The following TPD52 variants were observed in gnomAD, a reference collection of about 807,000 sequenced individuals.
The protein encoded by TPD52 is tumor protein D52, also known as prostate and colon associated protein.
TPD52 carries 17 observed loss-of-function variants against 31.3 expected under a neutral mutation model. The ratio of observed to expected loss-of-function variants is 0.54; its 90% CI spans 0.37 to 0.82. The LOEUF is 0.82. Among genes scored for constraint, TPD52 ranks in the 40% least tolerant of loss-of-function variants. The pLI, the probability that TPD52 is intolerant of heterozygous loss-of-function variation, is 0.00. For synonymous variants in TPD52, 83 were observed against 89.6 expected (o/e 0.93, Z 0.42); for missense variants, 212 against 240.1 (o/e 0.88, Z 0.77).
chr8:80,160,286 C>T (rs771660031), intron 1 of TPD52, among the ~76,000 whole-genome samples: 2 of 152,144 alleles, frequency 1.3e-5, no homozygotes, highest in Admixed American at 6.5e-5. Context: ...TCTCCACATC[C>T]AGCAGAGTAC....
intron 1 of TPD52, among the ~76,000 whole-genome samples, chr8:80,164,351 C>T (rs1219706432): frequency 1.3e-5 from 2 of 152,130 alleles, no homozygotes; most frequent in Non-Finnish European, 2.9e-5. Context: ...TAGTACATGA[C>T]AACAGTGGTA....
intron 1 of TPD52, among the ~76,000 whole-genome samples, chr8:80,108,943 AT>A (rs1318938673): frequency 1.3e-5 from 2 of 152,108 alleles, no homozygotes; most frequent in Admixed American, 6.6e-5. Flanking sequence ...ACTTGTGAAG[AT>A]TTTTTTTATG....
chr8:80,122,628 C>T (rs1808335902), intron 1 of TPD52, among the ~76,000 whole-genome samples: 1 of 152,110 alleles, frequency 6.6e-6, no homozygotes, highest in Non-Finnish European at 1.5e-5. Flanking sequence ...TACAAATACC[C>T]AAAGTACATC....
chr8:80,105,646 G>A (rs974116226), intron 1 of TPD52, among the ~76,000 whole-genome samples: 1 of 151,232 alleles, frequency 6.6e-6, no homozygotes, highest in East Asian at 1.9e-4. Flanking sequence ...TCTGCGGCTC[G>A]TCCTGCTACA....
chr8:80,131,053 G>A (rs1808983643), intron 1 of TPD52, among the ~76,000 whole-genome samples: 1 of 151,980 alleles, frequency 6.6e-6, no homozygotes, highest in African/African-American at 2.4e-5. Context: ...GGTGGGGTGA[G>A]GGGTAGAGGT....
intron 7 of TPD52, among the ~76,000 whole-genome samples, chr8:80,039,893 G>A (rs965000436): frequency 5.9e-5 from 9 of 152,048 alleles, no homozygotes; most frequent in South Asian, 4.2e-4. Flanking sequence ...CACACCCTCA[G>A]CTTTTCACAT....
intron 1 of TPD52, among the ~76,000 whole-genome samples, chr8:80,141,889 G>A (rs1413343144): frequency 6.6e-6 from 1 of 151,430 alleles, no homozygotes; most frequent in Admixed American, 6.6e-5. Flanking sequence ...CAGCCTGGGC[G>A]ACAGAGCCAG....
intron 1 of TPD52, among the ~76,000 whole-genome samples, chr8:80,070,428 T>G (rs1206493814): frequency 6.6e-6 from 1 of 152,140 alleles, no homozygotes; most frequent in East Asian, 1.9e-4. Context: ...GAAGACAATT[T>G]TTCCACGGCG....
intron 1 of TPD52, among the ~76,000 whole-genome samples, chr8:80,086,877 CAAAAAAAAAAAAAAA>C (rs58864911): frequency 3.9e-5 from 3 of 76,576 alleles, no homozygotes; most frequent in Non-Finnish European, 7.2e-5. Flanking sequence ...GCTGTCTCAA[CAAAAAAAAAAAAAAA>C]AAAAAAAAAA....
chr8:80,067,037 A>G (rs1173696929), intron 1 of TPD52: 1 of 152,262 alleles, frequency 6.6e-6, no homozygotes, highest in Non-Finnish European at 1.5e-5. Context: ...CTTTTTTGAT[A>G]CACACTGTTT....
rs200564845 is a variant in TPD52, at chr8:80,113,279, AAAAC to A, written c.20-48690_20-48687del. 8.9e-3 allele frequency among the ~76,000 whole-genome samples: 1,209 copies of A among 135,940 alleles called. 52 individuals carry two copies. The East Asian group carries it at 0.17, about 19-fold the overall frequency. The allele number at this position is 135,940 out of a possible 152,430, so 89.2% of individuals were successfully genotyped here. A position where few individuals can be genotyped will look rare whatever the true frequency, so the allele number is the denominator to read the frequency against. On this transcript the variant is annotated intron_variant, in intron 1 of 7. Transcript: ENST00000518937. The stretch of plus-strand genomic sequence containing the variant: ...GCTATTGTCAAAAAGAAAAAAAAAA[AAAAC>A]AAGTGCTGGCAATGATGCAGAGAAA...
intron 1 of TPD52, among the ~76,000 whole-genome samples, chr8:80,119,327 T>C (rs1029241362): frequency 2.6e-5 from 4 of 152,208 alleles, no homozygotes; most frequent in Admixed American, 2.6e-4. Context: ...GGGTTGATGT[T>C]CTAAAATTGT....
At chr8:80,070,498 T>A (rs1813655952) in intron 1 of TPD52, among the ~76,000 whole-genome samples, 1 of 152,080 alleles carries the variant, frequency 6.6e-6, no homozygotes, top group Non-Finnish European at 1.5e-5. Flanking sequence ...GGCATTAGAT[T>A]CTCATAAGCA....
At chr8:80,050,206 A>T (rs1811224182) in intron 5 of TPD52, 1 of 383,722 alleles carries the variant, frequency 2.6e-6, no homozygotes, top group Non-Finnish European at 4.6e-6. Flanking sequence ...GAAATGTCAA[A>T]ATCATTTCCA....
At chr8:80,055,494 T>C (rs983005424) in intron 2 of TPD52, among the ~76,000 whole-genome samples, 2 of 152,178 alleles carry the variant, frequency 1.3e-5, no homozygotes, top group Non-Finnish European at 2.9e-5. Flanking sequence ...TTCAGGGCAT[T>C]GGTCTAGACA....
At chr8:80,144,198 A>G (rs1810036510) in intron 1 of TPD52, among the ~76,000 whole-genome samples, 1 of 152,172 alleles carries the variant, frequency 6.6e-6, no homozygotes, top group Non-Finnish European at 1.5e-5. Flanking sequence ...ATATCATAAT[A>G]TTTTGTTCTT....
Position 80,072,794 on chromosome 8 carries a change from C to CATATATATAT in TPD52, c.20-8202_20-8201insATATATATAT, listed in dbSNP as rs202061225. ...ACATATATATACACATACACACACA[C>CATATATATAT]ACACATATATATATATATATAAACT... On this transcript the variant is annotated intron_variant, in intron 1 of 7. Transcript: ENST00000518937. Among the ~76,000 whole-genome samples, 117 of 141,960 alleles carry CATATATATAT rather than the reference C, an allele frequency of 8.2e-4. 2 individuals are homozygous for CATATATATAT. Among genetic ancestry groups the CATATATATAT allele is most frequent in the African/African-American group, 3.1e-3 (103 of 32,842 alleles). 93.1% of individuals were successfully genotyped at this position (141,960 alleles called of 152,430 possible). A position where few individuals can be genotyped will look rare whatever the true frequency, so the allele number is the denominator to read the frequency against.
chr8:80,093,393 C>T (rs535837767), intron 1 of TPD52, among the ~76,000 whole-genome samples: 9 of 152,140 alleles, frequency 5.9e-5, no homozygotes, highest in African/African-American at 1.7e-4. Context: ...TAAACACAAG[C>T]GACTGTCACA....
At chr8:80,047,806 T>C (rs1204620662) in intron 5 of TPD52, among the ~76,000 whole-genome samples, 4 of 152,164 alleles carry the variant, frequency 2.6e-5, no homozygotes, top group African/African-American at 9.7e-5. Flanking sequence ...ACCAAATAAA[T>C]ATCTACAGGG....
Sources: allele counts gnomAD v4.1 joint callset (sites outside exome capture counted in the v4.1 genomes callset), GRCh38; gene constraint gnomAD v4.1.1; transcripts MANE v1.5; gene names NCBI Gene and HGNC (gene_info 2026-07-23, HGNC 2026-07-21).